Variants in EPS15L1 observed in about 807,000 individuals in gnomAD.
The protein encoded by EPS15L1 is epidermal growth factor receptor substrate 15-like 1.
In EPS15L1, 43 loss-of-function variants were observed where a neutral mutation model predicts 117.1. That is an observed-to-expected ratio of 0.37 (90% CI 0.29 to 0.47). EPS15L1 has a LOEUF of 0.47. EPS15L1 is among the 20% of genes least tolerant of loss of function. The pLI is 0.99. For synonymous variants in EPS15L1, 459 were observed against 470.5 expected, an observed-to-expected ratio of 0.98 and a Z score of 0.32; for missense variants, 981 against 1,164.0, an observed-to-expected ratio of 0.84 and a Z score of 2.29.
chr19:16,377,566 G>A (rs1271580126), intron 21 of EPS15L1, among the ~76,000 whole-genome samples: 1 of 152,176 alleles, frequency 6.6e-6, no homozygotes, highest in Non-Finnish European at 1.5e-5. Flanking sequence ...GGTCTTTCCT[G>A]ACTCCAGGAC....
intron 1 of EPS15L1, among the ~76,000 whole-genome samples, chr19:16,456,290 GCTCA>G (rs1850307091): frequency 6.6e-6 from 1 of 152,202 alleles, no homozygotes; most frequent in African/African-American, 2.4e-5. Flanking sequence ...TTATTTGTTT[GCTCA>G]CTCAATCAAC....
Position 16,430,972 on chromosome 19 carries a change from C to T in EPS15L1, c.499-2211G>A, listed in dbSNP as rs1014265551. On this transcript the variant is annotated intron_variant, in intron 7 of 23. Coordinates refer to ENST00000455140, the MANE Select transcript of EPS15L1 (RefSeq NM_001258374.3). ...ATGCATGGCCGGGCACAGTGGCTCA[C>T]GACTGTCATCCATCCCAGCACTTTG... Among the ~76,000 whole-genome samples, 7 of 152,290 alleles carry T rather than the reference C, an allele frequency of 4.6e-5. No individual in the cohort carries two copies. The South Asian group carries it at 8.3e-4, about 18-fold the overall frequency.
At chr19:16,464,752 T>TAACA (rs1263964815) in intron 1 of EPS15L1, among the ~76,000 whole-genome samples, 2 of 151,982 alleles carry the variant, frequency 1.3e-5, no homozygotes, top group South Asian at 2.1e-4. Flanking sequence ...ACACTAACAC[T>TAACA]AACACTAACA....
At chr19:16,364,038 G>A (rs1440015612) in intron 22 of EPS15L1, among the ~76,000 whole-genome samples, 3 of 152,170 alleles carry the variant, frequency 2.0e-5, no homozygotes, top group Admixed American at 6.5e-5. Context: ...CACCAGCTGC[G>A]GGAGATCCTT....
intron 1 of EPS15L1, among the ~76,000 whole-genome samples, chr19:16,470,678 T>G (rs2093340427): frequency 6.6e-6 from 1 of 152,134 alleles, no homozygotes; most frequent in African/African-American, 2.4e-5. Flanking sequence ...GCAAATTGGC[T>G]AGCTGTGCAC....
In EPS15L1 at chr19:16,465,655, G is replaced by A. The variant is rs139335823; in HGVS notation, c.33+6258C>T. Among the ~76,000 whole-genome samples, 699 of 152,214 alleles carry A rather than the reference G, an allele frequency of 4.6e-3. 1 individual carries two copies. The highest frequency in any genetic ancestry group is 7.2e-3 in the Non-Finnish European group (492 of 68,026). On this transcript the variant is annotated intron_variant, in intron 1 of 23. Transcript: ENST00000455140. ...TTTGATTGCACCACTGTACTCCAGC[G>A]TAGGCAATAGAGCAAGAGCCTGTCT...
chr19:16,358,111 C>T (rs751298085), intron 23 of EPS15L1: 5 of 152,790 alleles, frequency 3.3e-5, no homozygotes, highest in Non-Finnish European at 5.9e-5. Flanking sequence ...GTCTGAACCA[C>T]AGCCCTCTGG....
Position 16,459,336 on chromosome 19 carries a change from T to C in EPS15L1, c.33+12577A>G, listed in dbSNP as rs548177522. On this transcript the variant is annotated intron_variant, in intron 1 of 23. Coordinates refer to ENST00000455140, the MANE Select transcript of EPS15L1 (RefSeq NM_001258374.3). ...CTTTGACAAGGGACACTTCCTGAAG[T>C]TGATTTGATGGAAAAGCTGCTGTAA... is the stretch of plus-strand genomic sequence containing the variant. 1.2e-4 allele frequency among the ~76,000 whole-genome samples: 18 copies of C among 152,192 alleles called. No individual in the cohort carries two copies. In the East Asian group the frequency reaches 2.9e-3, roughly 24 times the overall value.
chr19:16,441,946 A>T lies in EPS15L1; in HGVS notation c.111T>A (p.Ser37Arg). Reference protein sequence around the residue: ...DPAYTGRVGASEAALFLKKSG... With the variant: ...DPAYTGRVGAREAALFLKKSG... The stretch of plus-strand genomic sequence containing the variant: ...ACTTCTTTAGAAAAAGCGCAGCTTC[A>T]CTCGCCCCCACCCTCCCTGTGTATG... Residue 37 changes from serine (S) to arginine (R), a missense_variant, in exon 3 of 24, where the codon AGT becomes AGA. Coordinates refer to ENST00000455140, the MANE Select transcript of EPS15L1 (RefSeq NM_001258374.3). 1 of 1,613,990 alleles carries T rather than the reference A, an allele frequency of 6.2e-7. No homozygotes were observed. The highest frequency in any genetic ancestry group is 8.5e-7 in the Non-Finnish European group (1 of 1,179,982).
Position 16,403,942 on chromosome 19 carries a change from T to C in EPS15L1, c.1429-12A>G. 1.2e-6 allele frequency: 2 copies of C among 1,605,408 alleles called. No individual in the cohort carries two copies. The highest frequency in any genetic ancestry group is 1.7e-6 in the Non-Finnish European group (2 of 1,173,408). ...TTCAGTGATGAGATCTGAAATGAGA[T>C]GTTAAAAGATGTTAAAGAGATTCAC... On this transcript the variant is annotated splice_polypyrimidine_tract_variant and intron_variant, in intron 14 of 23. Coordinates refer to ENST00000455140, the MANE Select transcript of EPS15L1 (RefSeq NM_001258374.3).
In EPS15L1 at chr19:16,404,709, T is replaced by C. The variant is rs759119728; in HGVS notation, c.1307A>G (p.Gln436Arg). Reference protein sequence around the residue: ...NDLDRETSSLQELEAQKQDAQ... With the variant: ...NDLDRETSSLRELEAQKQDAQ... ...ATCCTGTTTCTGAGCCTCGAGCTCC[T>C]GCAAACTGCTTGTTTCCCGGTCTAG... Residue 436 changes from glutamine (Q) to arginine (R), a missense_variant, in exon 14 of 24, where the codon CAG becomes CGG. Physicochemically the swap from Gln to Arg is conservative, Grantham distance 43. This residue lies in a region of EPS15L1 where 819 missense variants were observed against 949.0 expected (regional missense o/e 0.86). Transcript: ENST00000455140. The surrounding 1 kb of genome is among the most constrained non-coding windows in gnomAD (Gnocchi z 4.2). The C allele has an allele frequency of 6.2e-7, 1 of 1,614,210 alleles. No homozygotes were observed. Among genetic ancestry groups the C allele is most frequent in the Non-Finnish European group, 8.5e-7 (1 of 1,180,026 alleles).
intron 16 of EPS15L1, 62 bp from the exon 17 acceptor site, chr19:16,395,529 G>T: frequency 6.6e-7 from 1 of 1,522,930 alleles, no homozygotes; most frequent in South Asian, 1.1e-5. Flanking sequence ...GCAAAGTACG[G>T]AATTCCATAC....
chr19:16,428,632 G>A (rs545492360), intron 8 of EPS15L1, 70 bp downstream of exon 8: 13 of 1,095,582 alleles, frequency 1.2e-5, no homozygotes, highest in Middle Eastern at 2.0e-4. Flanking sequence ...AAAGACAAAC[G>A]AATCCAGCAA....
At chr19:16,362,067 C>T (rs2092062706) in intron 22 of EPS15L1, 83 bp from the exon 23 acceptor site, 3 of 1,380,620 alleles carry the variant, frequency 2.2e-6, no homozygotes, top group Admixed American at 2.8e-5. Context: ...CTGGTGGGCA[C>T]AAGCCCGGGG....
At chr19:16,359,725 G>A (rs1460437108) in intron 23 of EPS15L1, among the ~76,000 whole-genome samples, 1 of 152,074 alleles carries the variant, frequency 6.6e-6, no homozygotes, top group African/African-American at 2.4e-5. Flanking sequence ...AGCCAGATGT[G>A]GTGGTGCGCG....
intron 1 of EPS15L1, among the ~76,000 whole-genome samples, chr19:16,454,124 T>C (rs2093172684): frequency 6.6e-6 from 1 of 152,198 alleles, no homozygotes; most frequent in African/African-American, 2.4e-5. Context: ...GTAAGAGGGT[T>C]CGCTGTTTTC....
At chr19:16,358,541 T>C (rs1447813138) in intron 23 of EPS15L1, among the ~76,000 whole-genome samples, 2 of 152,110 alleles carry the variant, frequency 1.3e-5, no homozygotes, top group East Asian at 3.9e-4. Flanking sequence ...CGAGACACCG[T>C]AGGGGCATGA....
chr19:16,409,937 CAAAAAAAA>C (rs140859526), intron 13 of EPS15L1, among the ~76,000 whole-genome samples: 25 of 45,030 alleles, frequency 5.6e-4, no homozygotes, highest in Admixed American at 2.6e-3. Context: ...GACTCTGTCT[CAAAAAAAA>C]AAAAAAAAAA....
At chr19:16,427,359 GT>G (rs2092882399) in intron 8 of EPS15L1, among the ~76,000 whole-genome samples, 1 of 152,138 alleles carries the variant, frequency 6.6e-6, no homozygotes, top group Non-Finnish European at 1.5e-5. Flanking sequence ...CAGGGTTTCA[GT>G]TCTGGAGTTT....
Sources: allele counts gnomAD v4.1 joint callset (sites outside exome capture counted in the v4.1 genomes callset), GRCh38; gene constraint gnomAD v4.1.1; regional missense constraint gnomAD v4.1.1; non-coding constraint Gnocchi (gnomAD v3.1); transcripts MANE v1.5; gene names NCBI Gene and HGNC (gene_info 2026-07-23, HGNC 2026-07-21).